LIX1: variants seen among roughly 807,000 people sequenced by gnomAD.
LIX1 encodes limb and CNS expressed 1.
A neutral mutation model predicts 33.4 loss-of-function variants in LIX1; 24 were observed. The ratio of observed to expected loss-of-function variants is 0.72; its 90% CI spans 0.52 to 1.01. LIX1 has a LOEUF of 1.01. Ranked by LOEUF, LIX1 falls within the 50% of genes least tolerant of loss-of-function variation. The pLI is 0.00. For synonymous variants in LIX1, 124 were observed against 124.0 expected, an observed-to-expected ratio of 1.00 and a Z score of 0.00; for missense variants, 311 against 339.2, an observed-to-expected ratio of 0.92 and a Z score of 0.65.
chr5:97,101,877 T>G (rs1323073240), intron 4 of LIX1: 1 of 152,042 alleles, frequency 6.6e-6, no homozygotes, highest in Non-Finnish European at 1.5e-5. Context: ...AAGAGGAAAT[T>G]TGTTTATGGG....
intron 3 of LIX1, 75 bp downstream of exon 3, chr5:97,107,285 T>G (rs978828680): frequency 2.1e-6 from 3 of 1,425,700 alleles, no homozygotes; most frequent in South Asian, 1.4e-5. Context: ...TTTGCTCATG[T>G]TAACATCTCT....
At chr5:97,134,366 C>T (rs1418844431) in intron 1 of LIX1, among the ~76,000 whole-genome samples, 4 of 152,328 alleles carry the variant, frequency 2.6e-5, no homozygotes, top group East Asian at 1.9e-4. Flanking sequence ...GTGATCCACC[C>T]GCCTTGGCCT....
At position 97,092,089 on chromosome 5, in the gene LIX1, G is replaced by A. The variant is rs1298604031; in HGVS notation, c.*2659C>T. The A allele has an allele frequency of 6.6e-6, 1 of 152,352 alleles. No homozygotes were observed. Among genetic ancestry groups the A allele is most frequent in the African/African-American group, 2.4e-5 (1 of 41,460 alleles). The allele number at this position is 152,352 out of a possible 1,614,324, so 9.4% of individuals were successfully genotyped here. On this transcript the variant is annotated 3_prime_UTR_variant, in exon 6 of 6. Transcript: ENST00000274382. Reference sequence around the variant, plus strand: ...GCTACCTGGGCTATGTCTGAGTTATGTTGGATCCCTGATGTAAAGTTTGAC... The same window carrying A: ...GCTACCTGGGCTATGTCTGAGTTATATTGGATCCCTGATGTAAAGTTTGAC...
chr5:97,142,277 T>C (rs992990227), intron 1 of LIX1, among the ~76,000 whole-genome samples: 2 of 152,296 alleles, frequency 1.3e-5, no homozygotes, highest in African/African-American at 2.4e-5. Context: ...TCTAAGTAGT[T>C]AGCAAGATGT....
Position 97,094,978 on chromosome 5 carries a change from C to T in LIX1, c.619G>A (p.Ala207Thr), listed in dbSNP as rs2112743524. The T allele has an allele frequency of 1.9e-6, 3 of 1,614,140 alleles. No individual in the cohort carries two copies. The highest frequency in any genetic ancestry group is 2.5e-6 in the Non-Finnish European group (3 of 1,180,012). The change falls in exon 6 of 6, where the codon GCC (alanine) becomes ACC (threonine). Residue 207 changes from alanine to threonine, a missense_variant. Coordinates refer to ENST00000274382, the MANE Select transcript of LIX1 (RefSeq NM_153234.5). ...CGCTCCTTCATGATCCAGTCCAGGG[C>T]CATGTGGCTGCGCATCTTTTCATCT... ...SLDEKMRSHM[A>T]LDWIMKERDS...
chr5:97,103,813 A>T (rs992791303), intron 4 of LIX1, among the ~76,000 whole-genome samples: 2 of 151,944 alleles, frequency 1.3e-5, no homozygotes, highest in Non-Finnish European at 2.9e-5. Flanking sequence ...AAAATACAAA[A>T]AATTAGCCGG....
intron 1 of LIX1, among the ~76,000 whole-genome samples, chr5:97,125,540 C>G (rs1747895120): frequency 6.6e-6 from 1 of 152,216 alleles, no homozygotes; most frequent in Non-Finnish European, 1.5e-5. Flanking sequence ...CCTATTTCAA[C>G]TGCTAATGGT....
Position 97,142,492 on chromosome 5 carries a change from T to TA in LIX1, c.82+2dup, listed in dbSNP as rs1748310956. On this transcript the variant is annotated splice_region_variant and intron_variant, in intron 1 of 5. Transcript: ENST00000274382. ...AAAAAACTTTTCCCCCTTCAGTACT[T>TA]ACAGTCTTTGAAGACTAGAGCCGGA... 4.3e-6 allele frequency: 7 copies of TA among 1,611,296 alleles called. No homozygotes were observed. The highest frequency in any genetic ancestry group is 5.9e-6 in the Non-Finnish European group (7 of 1,177,392).
intron 4 of LIX1, among the ~76,000 whole-genome samples, chr5:97,104,359 GAGTTA>G (rs71960389): frequency 0.011 from 1,684 of 152,296 alleles, 24 homozygotes; most frequent in African/African-American, 0.039. Context: ...AACTGCACTG[GAGTTA>G]AGTTTTTTGA....
chr5:97,094,617 A>G lies in LIX1; in HGVS notation c.*131T>C. 1 of 764,618 alleles carries G rather than the reference A, an allele frequency of 1.3e-6. No individual in the cohort carries two copies. Among genetic ancestry groups the G allele is most frequent in the Non-Finnish European group, 2.1e-6 (1 of 476,610 alleles). 47.4% of individuals were successfully genotyped at this position (764,618 alleles called of 1,614,324 possible). On this transcript the variant is annotated 3_prime_UTR_variant, in exon 6 of 6. Coordinates refer to ENST00000274382, the MANE Select transcript of LIX1 (RefSeq NM_153234.5). Reference sequence around the variant, plus strand: ...ACGACTCTCATACTCTGTAAATGGAATGTGTGGAGAGGGTTAGGAGAGCCT... The same window carrying G: ...ACGACTCTCATACTCTGTAAATGGAGTGTGTGGAGAGGGTTAGGAGAGCCT...
rs1746081392 is a variant in LIX1, at chr5:97,091,878, A to G, written c.*2870T>C. ...AATAGACAACCAAATTCTGAACATT[A>G]GAGGTACGACTTTATTAAATCTGTA... On this transcript the variant is annotated 3_prime_UTR_variant, in exon 6 of 6. Transcript: ENST00000274382. The G allele has an allele frequency of 1.3e-5, 2 of 152,370 alleles. No homozygotes were observed. Among genetic ancestry groups the G allele is most frequent in the African/African-American group, 4.8e-5 (2 of 41,470 alleles). The allele number at this position is 152,370 out of a possible 1,614,324, so 9.4% of individuals were successfully genotyped here.
intron 4 of LIX1, among the ~76,000 whole-genome samples, chr5:97,104,889 A>G (rs981362790): frequency 2.0e-5 from 3 of 152,206 alleles, no homozygotes; most frequent in Non-Finnish European, 2.9e-5. Flanking sequence ...TCATTGGTTT[A>G]GTGGGGAGCT....
intron 4 of LIX1, among the ~76,000 whole-genome samples, chr5:97,099,020 C>T (rs966431089): frequency 2.0e-5 from 3 of 152,222 alleles, no homozygotes; most frequent in African/African-American, 7.2e-5. Context: ...AGCAAAACCA[C>T]TTGTGTCTGC....
At chr5:97,142,373 T>C in intron 1 of LIX1, 122 bp downstream of exon 1, 1 of 652,736 alleles carries the variant, frequency 1.5e-6, no homozygotes, top group South Asian at 2.0e-5. Context: ...AGTTAAAATA[T>C]CACTTAGAAC....
At position 97,108,710 on chromosome 5, in the gene LIX1, C is replaced by T. The variant is rs139546884; in HGVS notation, c.247-1210G>A. Among the ~76,000 whole-genome samples the T allele has an allele frequency of 9.1e-3, 1,378 of 151,878 alleles. 26 individuals carry two copies. The highest frequency in any genetic ancestry group is 0.032 in the African/African-American group (1,313 of 41,420). On this transcript the variant is annotated intron_variant, in intron 2 of 5. Transcript: ENST00000274382. ...CCTGGGTCCTGGTCAGTGGGGTGGC[C>T]GGGCACCCCTGACTGTGCTTCTTAG...
At chr5:97,138,481 C>A (rs1341387629) in intron 1 of LIX1, among the ~76,000 whole-genome samples, 2 of 152,174 alleles carry the variant, frequency 1.3e-5, no homozygotes, top group African/African-American at 2.4e-5. Flanking sequence ...TCAATATAAA[C>A]TTTTCCGCAA....
intron 1 of LIX1, among the ~76,000 whole-genome samples, chr5:97,139,885 A>C (rs750461914): frequency 6.6e-6 from 1 of 152,272 alleles, no homozygotes; most frequent in Non-Finnish European, 1.5e-5. Flanking sequence ...CCTTGTATAA[A>C]ATAAAATGAC....
At chr5:97,108,629 C>T (rs1315379771) in intron 2 of LIX1, among the ~76,000 whole-genome samples, 1 of 152,048 alleles carries the variant, frequency 6.6e-6, no homozygotes, top group Non-Finnish European at 1.5e-5. Flanking sequence ...TCCTGTGAAC[C>T]CAGGGATAAG....
At position 97,094,881 on chromosome 5, in the gene LIX1, C is replaced by T. The variant is rs1174077840; in HGVS notation, c.716G>A (p.Gly239Glu). The change falls in exon 6 of 6, where the codon GGA (glycine) becomes GAA (glutamate). Residue 239 changes from glycine (G) to glutamate (E), a missense_variant. Physicochemically the swap from Gly to Glu is moderately conservative, Grantham distance 98 (BLOSUM62 -2). Coordinates refer to ENST00000274382, the MANE Select transcript of LIX1 (RefSeq NM_153234.5). The stretch of plus-strand genomic sequence containing the variant: ...TTCTTTGTAAAACCGTAGTTCTTGT[C>T]CTGCTTTCCTGGCTTCCTCCAACTG... Reference protein sequence around the residue: ...LRQLEEARKAGQELRFYKEKK... With the variant: ...LRQLEEARKAEQELRFYKEKK... The T allele has an allele frequency of 4.3e-6, 7 of 1,614,180 alleles. No homozygotes were observed. Among genetic ancestry groups the T allele is most frequent in the Non-Finnish European group, 5.9e-6 (7 of 1,180,034 alleles).
Sources: allele counts gnomAD v4.1 joint callset (sites outside exome capture counted in the v4.1 genomes callset), GRCh38; gene constraint gnomAD v4.1.1; transcripts MANE v1.5; gene names NCBI Gene and HGNC (gene_info 2026-07-23, HGNC 2026-07-21).